BBS9: variants seen among roughly 807,000 people sequenced by gnomAD.
The protein encoded by BBS9 is protein PTHB1.
A neutral mutation model predicts 117.7 loss-of-function variants in BBS9; 89 were observed. The ratio of observed to expected loss-of-function variants is 0.76; its 90% CI spans 0.64 to 0.90. BBS9 has a LOEUF of 0.90. Ranked by LOEUF, BBS9 falls within the 40% of genes least tolerant of loss-of-function variation. The pLI, the probability that BBS9 is intolerant of heterozygous loss-of-function variation, is 0.00. For missense variants in BBS9, 982 were observed against 1,042.2 expected (o/e 0.94, Z 0.80); for synonymous variants, 379 against 370.9 (o/e 1.02, Z -0.25).
At chr7:33,255,895 C>T (rs1440846363) in intron 5 of BBS9, among the ~76,000 whole-genome samples, 7 of 151,776 alleles carry the variant, frequency 4.6e-5, no homozygotes, top group African/African-American at 7.3e-5. Flanking sequence ...TGGTGGCTCA[C>T]GCCTGTAGTC....
chr7:33,552,927 A>G (rs1218854188), intron 21 of BBS9, among the ~76,000 whole-genome samples: 3 of 152,044 alleles, frequency 2.0e-5, no homozygotes. Context: ...TCCACCAGCA[A>G]TTTCTTCACA....
At chr7:33,238,419 T>A (rs1355333285) in intron 5 of BBS9, among the ~76,000 whole-genome samples, 1 of 152,044 alleles carries the variant, frequency 6.6e-6, no homozygotes, top group Non-Finnish European at 1.5e-5. Context: ...GCCTCCTGAG[T>A]AGCTGGGATT....
chr7:33,594,411 C>T (rs1371396430), intron 21 of BBS9, among the ~76,000 whole-genome samples: 1 of 132,260 alleles, frequency 7.6e-6, no homozygotes, highest in East Asian at 2.3e-4. Flanking sequence ...ACACTGTTGT[C>T]TCTGTCAATG....
intron 9 of BBS9, among the ~76,000 whole-genome samples, chr7:33,312,076 C>T (rs996191910): frequency 6.6e-6 from 1 of 152,162 alleles, no homozygotes; most frequent in African/African-American, 2.4e-5. Flanking sequence ...AATTGTGTAC[C>T]CTTAAACCTC....
chr7:33,491,815 G>A (rs546945267), intron 19 of BBS9, among the ~76,000 whole-genome samples: 2 of 152,250 alleles, frequency 1.3e-5, no homozygotes, highest in African/African-American at 4.8e-5. Context: ...AAATTATTGG[G>A]ATTGTATAAA....
At chr7:33,257,209 A>G (rs746759544) in intron 5 of BBS9, 27 bp from the exon 6 acceptor site, 51 of 1,485,174 alleles carry the variant, frequency 3.4e-5, no homozygotes, top group Non-Finnish European at 4.4e-5. Flanking sequence ...AGAATAGATT[A>G]TCTAATTTTC....
intron 9 of BBS9, among the ~76,000 whole-genome samples, chr7:33,275,682 G>A (rs1800640493): frequency 6.6e-6 from 1 of 152,098 alleles, no homozygotes; most frequent in East Asian, 1.9e-4. Flanking sequence ...AGAATGATGG[G>A]TAGAAAGACC....
At chr7:33,244,283 G>A (rs73688094) in intron 5 of BBS9, among the ~76,000 whole-genome samples, 2,633 of 152,182 alleles carry the variant, frequency 0.017, 70 homozygotes, top group African/African-American at 0.06. Flanking sequence ...TTTTCACAAG[G>A]CTGACAACCC....
chr7:33,553,031 A>T lies in BBS9; in HGVS notation c.2521+18855A>T, dbSNP rs138798725. Among the ~76,000 whole-genome samples the T allele has an allele frequency of 2.9e-3, 434 of 152,098 alleles. 2 individuals are homozygous for T. Among genetic ancestry groups the T allele is most frequent in the African/African-American group, 9.9e-3 (410 of 41,504 alleles). On this transcript the variant is annotated intron_variant, in intron 21 of 22. Coordinates refer to ENST00000242067, the MANE Select transcript of BBS9 (RefSeq NM_198428.3). ...GCCTCTGGTTTTGCATATGCTGTTC[A>T]CTTTGCCTTGAATACTGTCCTCTAT...
chr7:33,484,922 A>C (rs1029526074), intron 19 of BBS9, among the ~76,000 whole-genome samples: 2 of 152,262 alleles, frequency 1.3e-5, no homozygotes, highest in Non-Finnish European at 2.9e-5. Flanking sequence ...GCATGGATAA[A>C]TAAAATGTTG....
intron 22 of BBS9, 82 bp from the exon 23 acceptor site, chr7:33,605,113 C>A: frequency 2.0e-6 from 3 of 1,483,096 alleles, no homozygotes; most frequent in Non-Finnish European, 2.8e-6. Flanking sequence ...AGCACTGGTG[C>A]AGCTGAATTT....
Position 33,605,176 on chromosome 7 carries a change from T to G in BBS9, c.2633-19T>G. 6.2e-7 allele frequency: 1 copy of G among 1,605,330 alleles called. No homozygotes were observed. Among genetic ancestry groups the G allele is most frequent in the Non-Finnish European group, 8.5e-7 (1 of 1,171,972 alleles). The stretch of plus-strand genomic sequence containing the variant: ...CAGATCTTTTCTCTCTCTTTCTCTC[T>G]TACTCTCTTTTTTTCCAGAAGTTTC... On this transcript the variant is annotated intron_variant, in intron 22 of 22. Coordinates refer to ENST00000242067, the MANE Select transcript of BBS9 (RefSeq NM_198428.3).
At chr7:33,498,851 A>G (rs1845081503) in intron 19 of BBS9, among the ~76,000 whole-genome samples, 1 of 152,098 alleles carries the variant, frequency 6.6e-6, no homozygotes, top group Admixed American at 6.6e-5. Context: ...ATGGACATAT[A>G]TTTTCATTTC....
At chr7:33,632,436 C>T (rs926435157) in intron 21 of BBS9, among the ~76,000 whole-genome samples, 1 of 152,232 alleles carries the variant, frequency 6.6e-6, no homozygotes, top group Non-Finnish European at 1.5e-5. Flanking sequence ...CGCCTTGGCG[C>T]GCACCCACCT....
chr7:33,313,024 G>T (rs930692261), intron 9 of BBS9, among the ~76,000 whole-genome samples: 1 of 146,764 alleles, frequency 6.8e-6, no homozygotes, highest in African/African-American at 2.6e-5. Context: ...CTATAAATGT[G>T]CTGTACTCTG....
At chr7:33,160,924 T>G (rs888910684) in intron 4 of BBS9, among the ~76,000 whole-genome samples, 2 of 152,112 alleles carry the variant, frequency 1.3e-5, no homozygotes, top group African/African-American at 4.8e-5. Flanking sequence ...CCCTCTTGCA[T>G]GGGAAAGCTT....
intron 20 of BBS9, among the ~76,000 whole-genome samples, chr7:33,525,217 A>C (rs1849296381): frequency 6.6e-6 from 1 of 151,074 alleles, no homozygotes; most frequent in East Asian, 2.0e-4. Context: ...AAAAAAATGT[A>C]TATTCTGTTG....
chr7:33,407,203 C>T (rs1011412630), intron 19 of BBS9, among the ~76,000 whole-genome samples: 2 of 152,202 alleles, frequency 1.3e-5, no homozygotes, highest in Non-Finnish European at 2.9e-5. Context: ...ATCACTGATA[C>T]CCTTTCTTCC....
chr7:33,403,477 C>A (rs1420796403), intron 19 of BBS9, among the ~76,000 whole-genome samples: 1 of 117,802 alleles, frequency 8.5e-6, no homozygotes, highest in Non-Finnish European at 1.7e-5. Flanking sequence ...CCCCCCACCC[C>A]ACAACAGTCG....
Sources: gnomAD v4.1 joint callset for allele counts (sites outside exome capture counted in the v4.1 genomes callset) on GRCh38, gnomAD v4.1.1 for gene constraint, MANE v1.5 for transcripts, NCBI Gene and HGNC (gene_info 2026-07-23, HGNC 2026-07-21) for gene names.